Variants in PATJ observed in about 807,000 individuals in gnomAD.
The protein encoded by PATJ is inaD-like protein.
A neutral mutation model predicts 224.9 loss-of-function variants in PATJ; 190 were observed. The observed-to-expected ratio is 0.84, with a 90% confidence interval of 0.75 to 0.95. The LOEUF is 0.95. Ranked by LOEUF, PATJ falls within the 40% of genes least tolerant of loss-of-function variation. The pLI is 0.00. For missense variants in PATJ, 2,121 were observed against 2,270.3 expected (o/e 0.93, Z 1.34); for synonymous variants, 769 against 820.3 (o/e 0.94, Z 1.07).
At chr1:62,099,378 G>A (rs1028580453) in intron 33 of PATJ, among the ~76,000 whole-genome samples, 2 of 29,762 alleles carry the variant, frequency 6.7e-5, no homozygotes, top group African/African-American at 3.0e-4. Flanking sequence ...TTTTTTTTTT[G>A]GTCCTCATGG....
At chr1:61,841,268 T>C (rs1443673303) in intron 17 of PATJ, among the ~76,000 whole-genome samples, 1 of 152,152 alleles carries the variant, frequency 6.6e-6, no homozygotes, top group Non-Finnish European at 1.5e-5. Flanking sequence ...ATTAGGACTT[T>C]AATTTTTACC....
chr1:61,892,597 G>A (rs539433845), intron 22 of PATJ, among the ~76,000 whole-genome samples: 8 of 152,106 alleles, frequency 5.3e-5, no homozygotes, highest in Admixed American at 2.0e-4. Context: ...TAATTCCTTT[G>A]GGGAAAAATT....
At chr1:62,005,418 T>G (rs946012045) in intron 28 of PATJ, among the ~76,000 whole-genome samples, 1 of 74,264 alleles carries the variant, frequency 1.3e-5, no homozygotes, top group South Asian at 6.4e-4. Context: ...TATGATGTGG[T>G]TTTTTTTTTT....
At chr1:61,842,089 CT>C (rs1661188478) in intron 17 of PATJ, among the ~76,000 whole-genome samples, 1 of 152,156 alleles carries the variant, frequency 6.6e-6, no homozygotes, top group Admixed American at 6.5e-5. Context: ...GAGCCCACTC[CT>C]GGTGTGTGCA....
intron 26 of PATJ, among the ~76,000 whole-genome samples, chr1:61,926,727 T>G (rs2149284699): frequency 6.6e-6 from 1 of 152,346 alleles, no homozygotes; most frequent in South Asian, 2.1e-4. Context: ...GACATTATCT[T>G]AAGTAAATAT....
At chr1:61,748,548 G>A (rs1185067710) in intron 1 of PATJ, among the ~76,000 whole-genome samples, 1 of 151,916 alleles carries the variant, frequency 6.6e-6, no homozygotes, top group African/African-American at 2.4e-5. Context: ...GAGCCACTGC[G>A]CCTGGCCATG....
intron 28 of PATJ, among the ~76,000 whole-genome samples, chr1:62,003,358 A>G (rs1453345190): frequency 1.3e-5 from 2 of 152,236 alleles, no homozygotes; most frequent in Admixed American, 6.5e-5. Context: ...TCTTTTCCCA[A>G]TATAACAAAT....
chr1:62,048,355 A>G (rs1652923027), intron 30 of PATJ, among the ~76,000 whole-genome samples: 1 of 151,778 alleles, frequency 6.6e-6, no homozygotes, highest in Non-Finnish European at 1.5e-5. Flanking sequence ...AAACCAGTCT[A>G]GCCAACATGG....
chr1:61,846,203 C>G (rs1054724341), intron 17 of PATJ: 2 of 152,106 alleles, frequency 1.3e-5, no homozygotes, highest in Non-Finnish European at 2.9e-5. Flanking sequence ...ATGGACTAAG[C>G]ACATTACATG....
chr1:61,996,149 C>T (rs1195623126), intron 28 of PATJ, among the ~76,000 whole-genome samples: 1 of 152,144 alleles, frequency 6.6e-6, no homozygotes, highest in Admixed American at 6.5e-5. Flanking sequence ...ATTTAAGAAT[C>T]ATGAAAAATC....
intron 7 of PATJ, among the ~76,000 whole-genome samples, chr1:61,780,097 G>T (rs1365568643): frequency 1.3e-5 from 2 of 152,164 alleles, no homozygotes; most frequent in East Asian, 1.9e-4. Flanking sequence ...TGAGGTTTGG[G>T]GGGGACAAAC....
chr1:61,804,741 G>A (rs1260805945), intron 12 of PATJ, among the ~76,000 whole-genome samples: 2 of 152,118 alleles, frequency 1.3e-5, no homozygotes, highest in African/African-American at 4.8e-5. Flanking sequence ...GTCATGTGGA[G>A]GACAGGCAAG....
At chr1:62,144,777 A>AAAATATATATATATATATATATAT (rs377489788) in intron 41 of PATJ, among the ~76,000 whole-genome samples, 1 of 119,102 alleles carries the variant, frequency 8.4e-6, no homozygotes, top group African/African-American at 3.4e-5. Flanking sequence ...AAAAAAAAAA[A>AAAATATATATATATATATATATAT]ATATATATAT....
intron 33 of PATJ, among the ~76,000 whole-genome samples, chr1:62,102,393 A>T (rs1429268157): frequency 6.6e-6 from 1 of 152,212 alleles, no homozygotes; most frequent in African/African-American, 2.4e-5. Context: ...GATAGAAATT[A>T]ATCTTTTTTC....
At chr1:61,780,105 A>G (rs1185807189) in intron 7 of PATJ, among the ~76,000 whole-genome samples, 1 of 152,178 alleles carries the variant, frequency 6.6e-6, no homozygotes, top group Non-Finnish European at 1.5e-5. Flanking sequence ...GGGGGGGACA[A>G]ACATCCAAAC....
intron 41 of PATJ, among the ~76,000 whole-genome samples, chr1:62,142,527 G>A (rs958231115): frequency 7.2e-5 from 11 of 152,182 alleles, no homozygotes; most frequent in African/African-American, 2.7e-4. Context: ...CAATTATTAA[G>A]CAATTGTTAT....
intron 27 of PATJ, among the ~76,000 whole-genome samples, chr1:61,978,560 C>T (rs1257860757): frequency 6.6e-6 from 1 of 151,990 alleles, no homozygotes; most frequent in East Asian, 1.9e-4. Context: ...CCACTGCGCC[C>T]AGCCTGTGCT....
At chr1:61,872,736 C>A (rs539157182) in intron 20 of PATJ, among the ~76,000 whole-genome samples, 12 of 152,316 alleles carry the variant, frequency 7.9e-5, no homozygotes, top group East Asian at 7.7e-4. Context: ...ATAAATACCC[C>A]TAAGGAAAAT....
chr1:62,120,441 G>GA (rs1315908672), intron 37 of PATJ, among the ~76,000 whole-genome samples: 1 of 152,106 alleles, frequency 6.6e-6, no homozygotes, highest in South Asian at 2.1e-4. Flanking sequence ...TAATTTGGTA[G>GA]AAAAAAATAT....
Sources: gnomAD v4.1 joint callset for allele counts (sites outside exome capture counted in the v4.1 genomes callset) on GRCh38, gnomAD v4.1.1 for gene constraint, MANE v1.5 for transcripts, NCBI Gene and HGNC (gene_info 2026-07-23, HGNC 2026-07-21) for gene names.